Variants in SCHIP1 observed in about 807,000 individuals in gnomAD.
SCHIP1 encodes schwannomin interacting protein 1, also known as schwannomin-interacting protein 1.
A neutral mutation model predicts 29.7 loss-of-function variants in SCHIP1; 8 were observed. The ratio of observed to expected loss-of-function variants is 0.27; its 90% CI spans 0.16 to 0.49. The LOEUF (loss-of-function observed/expected upper bound fraction) is 0.49. Among genes scored for constraint, SCHIP1 ranks in the 20% least tolerant of loss-of-function variants. The pLI, the probability that SCHIP1 is intolerant of heterozygous loss-of-function variation, is 0.99. For synonymous variants in SCHIP1, 76 were observed against 94.9 expected (o/e 0.80, Z 1.16); for missense variants, 193 against 294.6 (o/e 0.66, Z 2.52).
the SCHIP1 span, among the ~76,000 whole-genome samples, chr3:159,702,262 G>T: frequency 3.3e-5 from 5 of 152,074 alleles, no homozygotes; most frequent in Non-Finnish European, 7.4e-5. Flanking sequence ...GTTTCCAGAG[G>T]CACTAAATGA....
the SCHIP1 span, among the ~76,000 whole-genome samples, chr3:159,475,232 T>A: frequency 6.6e-6 from 1 of 152,120 alleles, no homozygotes; most frequent in Non-Finnish European, 1.5e-5. Context: ...CAATGAAATA[T>A]CATTCAGCCA....
chr3:159,680,730 AAT>A, the SCHIP1 span, among the ~76,000 whole-genome samples: 11 of 74,016 alleles, frequency 1.5e-4, no homozygotes, highest in South Asian at 3.4e-4. Flanking sequence ...GTATATATAT[AAT>A]ATACATATAT....
At chr3:159,347,654 A>T in the SCHIP1 span, among the ~76,000 whole-genome samples, 1 of 152,144 alleles carries the variant, frequency 6.6e-6, no homozygotes, top group African/African-American at 2.4e-5. Flanking sequence ...AACTCAGGAG[A>T]AATGAGGCAA....
chr3:159,419,682 G>A, the SCHIP1 span, among the ~76,000 whole-genome samples: 1 of 152,094 alleles, frequency 6.6e-6, no homozygotes, highest in Non-Finnish European at 1.5e-5. Flanking sequence ...GGTTGCAGGT[G>A]CCTGTAATCC....
chr3:159,370,449 T>TCAAA, the SCHIP1 span, among the ~76,000 whole-genome samples: 2 of 152,214 alleles, frequency 1.3e-5, no homozygotes, highest in Non-Finnish European at 2.9e-5. Context: ...CTAATAACCA[T>TCAAA]CAAACATACT....
At chr3:159,444,237 A>G in the SCHIP1 span, among the ~76,000 whole-genome samples, 4 of 152,080 alleles carry the variant, frequency 2.6e-5, no homozygotes, top group Non-Finnish European at 5.9e-5. Context: ...TCCCACTGAG[A>G]GGAGAGGAAG....
At chr3:159,391,799 T>C in the SCHIP1 span, among the ~76,000 whole-genome samples, 1 of 152,200 alleles carries the variant, frequency 6.6e-6, no homozygotes, top group Non-Finnish European at 1.5e-5. Flanking sequence ...TTAAAGTCAA[T>C]TTCTATACTT....
At chr3:159,328,130 C>T in the SCHIP1 span, among the ~76,000 whole-genome samples, 2 of 152,036 alleles carry the variant, frequency 1.3e-5, no homozygotes, top group African/African-American at 4.8e-5. Context: ...TTTAAATTAC[C>T]GAAAATTAAA....
At chr3:159,752,052 C>G in the SCHIP1 span, among the ~76,000 whole-genome samples, 1 of 151,326 alleles carries the variant, frequency 6.6e-6, no homozygotes, top group African/African-American at 2.4e-5. Context: ...CACCCACAAC[C>G]CAGGCCCAGC....
the SCHIP1 span, among the ~76,000 whole-genome samples, chr3:159,804,201 C>T: frequency 6.6e-6 from 1 of 152,062 alleles, no homozygotes; most frequent in Non-Finnish European, 1.5e-5. Context: ...ATAGGAAATC[C>T]CACTCTTTTA....
chr3:159,613,511 G>T, the SCHIP1 span, among the ~76,000 whole-genome samples: 1 of 152,122 alleles, frequency 6.6e-6, no homozygotes, highest in Non-Finnish European at 1.5e-5. Context: ...TTCAAACATT[G>T]TTTAAAATAT....
At chr3:159,604,109 A>C in the SCHIP1 span, among the ~76,000 whole-genome samples, 5 of 152,286 alleles carry the variant, frequency 3.3e-5, no homozygotes, top group Middle Eastern at 3.4e-3. Flanking sequence ...GCACCCCATG[A>C]TCTAGTACAG....
the SCHIP1 span, among the ~76,000 whole-genome samples, chr3:159,557,263 G>T: frequency 1.6e-4 from 24 of 152,158 alleles, no homozygotes; most frequent in Non-Finnish European, 1.5e-4. Context: ...TCTTATAAGG[G>T]TATAAAAATT....
the SCHIP1 span, among the ~76,000 whole-genome samples, chr3:159,421,074 A>G: frequency 1.3e-5 from 2 of 152,184 alleles, no homozygotes; most frequent in African/African-American, 4.8e-5. Context: ...ACCTGAGACC[A>G]TGACCAAGAT....
chr3:159,352,068 A>T, the SCHIP1 span, among the ~76,000 whole-genome samples: 1 of 152,106 alleles, frequency 6.6e-6, no homozygotes, highest in East Asian at 1.9e-4. Flanking sequence ...AGTTGGCCAA[A>T]CCCTGCTTCA....
the SCHIP1 span, among the ~76,000 whole-genome samples, chr3:159,493,009 T>C: frequency 1.1e-4 from 17 of 152,228 alleles, no homozygotes; most frequent in South Asian, 4.1e-4. Flanking sequence ...CTAAGCTTCA[T>C]AAGTGAAGGA....
chr3:159,502,956 G>A, the SCHIP1 span, among the ~76,000 whole-genome samples: 38 of 152,306 alleles, frequency 2.5e-4, no homozygotes, highest in South Asian at 4.3e-3. Flanking sequence ...GCTAAAAGGC[G>A]GTAGATTGAA....
chr3:159,544,758 G>T, the SCHIP1 span, among the ~76,000 whole-genome samples: 1 of 151,896 alleles, frequency 6.6e-6, no homozygotes, highest in Non-Finnish European at 1.5e-5. Context: ...CCCTTTGTTA[G>T]CTATATGTAT....
the SCHIP1 span, among the ~76,000 whole-genome samples, chr3:159,452,312 C>T: frequency 6.6e-6 from 1 of 151,994 alleles, no homozygotes; most frequent in African/African-American, 2.4e-5. Context: ...CCCCCCATCC[C>T]CCAATAGAAC....
Sources: gnomAD v4.1 joint callset for allele counts (sites outside exome capture counted in the v4.1 genomes callset) on GRCh38, gnomAD v4.1.1 for gene constraint, MANE v1.5 for transcripts, NCBI Gene and HGNC (gene_info 2026-07-23, HGNC 2026-07-21) for gene names.